The following MSMO1 variants were observed in gnomAD, a reference collection of about 807,000 sequenced individuals.
MSMO1 encodes C-4 methylsterol oxidase.
In MSMO1, 18 loss-of-function variants were observed where a neutral mutation model predicts 30.4. The ratio of observed to expected loss-of-function variants is 0.59; its 90% CI spans 0.41 to 0.88. The LOEUF (loss-of-function observed/expected upper bound fraction) is 0.88, where lower values mean the gene tolerates loss of function less well. MSMO1 is among the 40% of genes least tolerant of loss of function. MSMO1 has a pLI of 0.00. For synonymous variants in MSMO1, 84 were observed against 107.9 expected (o/e 0.78, Z 1.37); for missense variants, 284 against 340.5 (o/e 0.83, Z 1.31).
intron 3 of MSMO1, among the ~76,000 whole-genome samples, chr4:165,338,200 T>C (rs1005435624): frequency 2.6e-5 from 4 of 151,874 alleles, no homozygotes; most frequent in Non-Finnish European, 4.4e-5. Context: ...TAAGTGCTTA[T>C]GTTGACAAAA....
chr4:165,340,133 T>C (rs1046582803), intron 4 of MSMO1, 88 bp from the exon 5 acceptor site: 9 of 1,134,454 alleles, frequency 7.9e-6, no homozygotes, highest in African/African-American at 1.5e-5. Context: ...AATCAAACAG[T>C]TGGATATCAT....
chr4:165,340,629 T>A (rs763376996), intron 5 of MSMO1: 3 of 479,482 alleles, frequency 6.3e-6, no homozygotes, highest in Non-Finnish European at 1.1e-5. Flanking sequence ...TTCCTTATCC[T>A]TCTGTAATAA....
At chr4:165,336,365 A>G (rs974266188) in intron 2 of MSMO1, among the ~76,000 whole-genome samples, 12 of 152,214 alleles carry the variant, frequency 7.9e-5, no homozygotes, top group African/African-American at 2.9e-4. Context: ...ACAGTTATGC[A>G]TAAAGAAAGT....
At chr4:165,335,031 G>GT (rs1747502340) in intron 2 of MSMO1, among the ~76,000 whole-genome samples, 1 of 152,082 alleles carries the variant, frequency 6.6e-6, no homozygotes, top group Non-Finnish European at 1.5e-5. Context: ...ATTTTATTAA[G>GT]TATTATAAGT....
intron 3 of MSMO1, among the ~76,000 whole-genome samples, chr4:165,338,382 A>G (rs1014335431): frequency 6.6e-6 from 1 of 151,780 alleles, no homozygotes; most frequent in Admixed American, 6.6e-5. Flanking sequence ...CACTTAACGG[A>G]TATCTCTTGA....
At position 165,333,559 on chromosome 4, in the gene MSMO1, CTTA is replaced by C; in HGVS notation, c.192_194del (p.Leu64del). 1 of 1,607,954 alleles carries C rather than the reference CTTA, an allele frequency of 6.2e-7. No individual in the cohort carries two copies. Among genetic ancestry groups the C allele is most frequent in the Non-Finnish European group, 8.5e-7 (1 of 1,177,994 alleles). ...TTATAGTTCATGAAGCCCTTTATTT[CTTA>C]TTCTGTTTACCTGGATTTTTATTTC... is the stretch of plus-strand genomic sequence containing the variant. On this transcript the variant is annotated inframe_deletion, in exon 2 of 6. Transcript: ENST00000261507.
chr4:165,340,197 G>A, intron 4 of MSMO1, 24 bp from the exon 5 acceptor site: 1 of 1,606,784 alleles, frequency 6.2e-7, no homozygotes, highest in Non-Finnish European at 8.5e-7. Context: ...AAGAAATTAA[G>A]AATTTCTTAT....
chr4:165,333,639 A>G lies in MSMO1; in HGVS notation c.255+14A>G. ...AAAATTCAAAAGGTGAGTATAAGGG[A>G]CTAGAAATAGAATATTATCATTAAT... On this transcript the variant is annotated intron_variant, in intron 2 of 5. Transcript: ENST00000261507. The G allele has an allele frequency of 1.9e-6, 3 of 1,559,014 alleles. No individual in the cohort carries two copies. Among genetic ancestry groups the G allele is most frequent in the Non-Finnish European group, 2.6e-6 (3 of 1,148,554 alleles).
chr4:165,338,684 C>T lies in MSMO1; in HGVS notation c.437C>T (p.Ala146Val), dbSNP rs1747629990. Reference sequence around the variant, plus strand: ...CTTTTGGCAAGATGCTTTGGTTGTGCAGTCATTGAAGATACTTGGCACTAT... The same window carrying T: ...CTTTTGGCAAGATGCTTTGGTTGTGTAGTCATTGAAGATACTTGGCACTAT... ...YFLLARCFGC[A>V]VIEDTWHYFL... The change falls in exon 4 of 6, where the codon GCA becomes GTA. Residue 146 changes from alanine (A) to valine (V), a missense_variant. Transcript: ENST00000261507. 1 of 1,609,246 alleles carries T rather than the reference C, an allele frequency of 6.2e-7. No homozygotes were observed. The highest frequency in any genetic ancestry group is 8.5e-7 in the Non-Finnish European group (1 of 1,175,718).
intron 2 of MSMO1, among the ~76,000 whole-genome samples, chr4:165,334,577 C>T (rs1380849729): frequency 6.6e-6 from 1 of 152,170 alleles, no homozygotes; most frequent in Non-Finnish European, 1.5e-5. Flanking sequence ...TGATGCTCCT[C>T]GTTTCTGGAT....
chr4:165,333,746 T>G, intron 2 of MSMO1, 121 bp downstream of exon 2: 3 of 1,104,496 alleles, frequency 2.7e-6, no homozygotes, highest in Non-Finnish European at 2.5e-6. Context: ...TGAAGCCACG[T>G]ATGTAATTTT....
At chr4:165,331,551 T>C (rs1188865556) in intron 1 of MSMO1, among the ~76,000 whole-genome samples, 1 of 151,904 alleles carries the variant, frequency 6.6e-6, no homozygotes, top group African/African-American at 2.4e-5. Flanking sequence ...TTGAGATGAG[T>C]AGGACAGAAG....
chr4:165,329,094 A>T (rs915122173), intron 1 of MSMO1, among the ~76,000 whole-genome samples: 2 of 152,180 alleles, frequency 1.3e-5, no homozygotes, highest in East Asian at 3.9e-4. Context: ...TTAAAACAGA[A>T]AATAGTTAAG....
chr4:165,329,929 C>A (rs951547192), intron 1 of MSMO1, among the ~76,000 whole-genome samples: 1 of 152,142 alleles, frequency 6.6e-6, no homozygotes, highest in Non-Finnish European at 1.5e-5. Flanking sequence ...CCACCACACC[C>A]AGCCTCCTTA....
At chr4:165,334,480 C>T (rs776259560) in intron 2 of MSMO1, among the ~76,000 whole-genome samples, 4 of 152,190 alleles carry the variant, frequency 2.6e-5, no homozygotes, top group African/African-American at 4.8e-5. Context: ...TAATACACTA[C>T]GACCTTGATC....
intron 1 of MSMO1, among the ~76,000 whole-genome samples, chr4:165,328,414 C>T (rs1374148894): frequency 1.3e-5 from 2 of 152,136 alleles, no homozygotes; most frequent in Non-Finnish European, 2.9e-5. Context: ...CTCCCTTGAA[C>T]TTTGAGTGTT....
At chr4:165,333,313 TTATTA>T in intron 1 of MSMO1, 22 bp from the exon 2 acceptor site, 2 of 1,557,520 alleles carry the variant, frequency 1.3e-6, no homozygotes, top group Non-Finnish European at 1.8e-6. Context: ...ATTGTTTAAC[TTATTA>T]TATATGTATT....
At chr4:165,330,764 C>T (rs1476957238) in intron 1 of MSMO1, among the ~76,000 whole-genome samples, 1 of 151,942 alleles carries the variant, frequency 6.6e-6, no homozygotes, top group Admixed American at 6.6e-5. Flanking sequence ...AGAGTGCAGT[C>T]ACAGCTTACT....
intron 3 of MSMO1, 99 bp from the exon 4 acceptor site, chr4:165,338,553 G>A: frequency 9.6e-7 from 1 of 1,040,376 alleles, no homozygotes; most frequent in Non-Finnish European, 1.5e-6. Flanking sequence ...AAGTGGGTGG[G>A]TGGTTTTATG....
Sources: gnomAD v4.1 joint callset for allele counts (sites outside exome capture counted in the v4.1 genomes callset) on GRCh38, gnomAD v4.1.1 for gene constraint, MANE v1.5 for transcripts, NCBI Gene and HGNC (gene_info 2026-07-23, HGNC 2026-07-21) for gene names.